Variants in GPHN observed in about 807,000 individuals in gnomAD.
The protein encoded by GPHN is gephyrin.
GPHN carries 17 observed loss-of-function variants against 95.5 expected under a neutral mutation model. That is an observed-to-expected ratio of 0.18 (90% confidence interval 0.12 to 0.27). The LOEUF (loss-of-function observed/expected upper bound fraction) is 0.27. Ranked by LOEUF, GPHN falls within the 10% of genes least tolerant of loss-of-function variation. GPHN has a pLI of 1.00. For missense variants in GPHN, 660 were observed against 978.1 expected (o/e 0.67, Z 4.34); for synonymous variants, 320 against 322.5 (o/e 0.99, Z 0.08).
chr14:67,091,455 G>A (rs570170028), intron 12 of GPHN, among the ~76,000 whole-genome samples: 1 of 151,330 alleles, frequency 6.6e-6, no homozygotes, highest in South Asian at 2.1e-4. Context: ...TAAATTCTGT[G>A]TTGATCTTAC....
intron 1 of GPHN, among the ~76,000 whole-genome samples, chr14:66,557,508 T>C (rs973533186): frequency 6.6e-6 from 1 of 152,212 alleles, no homozygotes; most frequent in Non-Finnish European, 1.5e-5. Context: ...TCTTCAGTTA[T>C]ATTGGCAGAA....
At chr14:66,871,129 G>C (rs112913492) in intron 4 of GPHN, among the ~76,000 whole-genome samples, 3 of 152,208 alleles carry the variant, frequency 2.0e-5, no homozygotes, top group African/African-American at 7.2e-5. Context: ...GAGCTTACAC[G>C]CTCTCTGAGG....
At chr14:67,687,412 G>C in the GPHN span, among the ~76,000 whole-genome samples, 1 of 140,338 alleles carries the variant, frequency 7.1e-6, no homozygotes, top group Non-Finnish European at 1.6e-5. Flanking sequence ...AACTGAGCCC[G>C]GACCTTTGTA....
At chr14:67,340,891 G>C in the GPHN span, among the ~76,000 whole-genome samples, 1 of 152,234 alleles carries the variant, frequency 6.6e-6, no homozygotes. Flanking sequence ...GGCCAGGCTG[G>C]TCTCCAGCTC....
At chr14:66,777,117 G>A (rs900839463) in intron 3 of GPHN, among the ~76,000 whole-genome samples, 15 of 150,138 alleles carry the variant, frequency 1.0e-4, no homozygotes, top group African/African-American at 2.2e-4. Context: ...TCAAATAGAC[G>A]CAATAAAAAA....
chr14:67,232,192 A>G, the GPHN span, among the ~76,000 whole-genome samples: 1 of 152,168 alleles, frequency 6.6e-6, no homozygotes, highest in Non-Finnish European at 1.5e-5. Flanking sequence ...GTCATAAAAC[A>G]GCCCATAGTT....
intron 5 of GPHN, among the ~76,000 whole-genome samples, chr14:66,888,919 G>A (rs932654237): frequency 3.3e-5 from 5 of 152,006 alleles, no homozygotes; most frequent in Admixed American, 6.5e-5. Context: ...AACCAAAAGC[G>A]AACCATGGTG....
intron 3 of GPHN, among the ~76,000 whole-genome samples, chr14:66,792,851 T>G (rs2060020894): frequency 6.6e-6 from 1 of 152,274 alleles, no homozygotes; most frequent in African/African-American, 2.4e-5. Flanking sequence ...AGCAAGCCAG[T>G]CATTAGCATT....
At chr14:67,014,683 C>T (rs1245658106) in intron 9 of GPHN, among the ~76,000 whole-genome samples, 1 of 152,064 alleles carries the variant, frequency 6.6e-6, no homozygotes, top group Non-Finnish European at 1.5e-5. Context: ...ACCTTCTAAC[C>T]TTTAGAATGA....
the GPHN span, chr14:67,663,231 C>T: frequency 1.7e-5 from 23 of 1,344,464 alleles, no homozygotes; most frequent in Non-Finnish European, 2.0e-5. Context: ...TCAAAACAAA[C>T]ATCTAACTAA....
At chr14:67,639,184 G>A in the GPHN span, among the ~76,000 whole-genome samples, 1 of 152,156 alleles carries the variant, frequency 6.6e-6, no homozygotes, top group Non-Finnish European at 1.5e-5. Context: ...TTTAGGCTTT[G>A]TGCAGCTTTT....
chr14:67,561,952 A>T, the GPHN span: 1 of 1,611,532 alleles, frequency 6.2e-7, no homozygotes, highest in Non-Finnish European at 8.5e-7. Flanking sequence ...CTTTTTGCTC[A>T]GCTTGAGATG....
the GPHN span, among the ~76,000 whole-genome samples, chr14:67,434,782 T>C: frequency 6.6e-6 from 1 of 152,134 alleles, no homozygotes; most frequent in Non-Finnish European, 1.5e-5. Context: ...GGGTAATTTA[T>C]AAAGAAAAGG....
rs1313262055 is a variant in GPHN, at chr14:66,508,202, TTCCGACACTC to T, written c.-321_-312del. On this transcript the variant is annotated 5_prime_UTR_variant, in exon 1 of 23. Coordinates refer to ENST00000478722, the MANE Select transcript of GPHN (RefSeq NM_020806.5). ...CTTGGGTCTCGCGCTCCGCAGAGCG[TTCCGACACTC>T]TCCGGCCTCGTTCTGCCGCCTCCGC... The T allele has an allele frequency of 3.1e-5, 16 of 510,328 alleles. No homozygotes were observed. The highest frequency in any genetic ancestry group is 4.3e-5 in the Non-Finnish European group (12 of 279,942). The allele number at this position is 510,328 out of a possible 1,614,324, so 31.6% of individuals were successfully genotyped here.
the GPHN span, chr14:67,208,531 A>T: frequency 7.1e-7 from 1 of 1,400,156 alleles, no homozygotes; most frequent in Non-Finnish European, 9.6e-7. Flanking sequence ...CTCTTAACTC[A>T]GGCATCTGCC....
In GPHN at chr14:67,150,658, A is replaced by G. The variant is rs117067994; in HGVS notation, c.1836+7209A>G. On this transcript the variant is annotated intron_variant, in intron 18 of 22. Transcript: ENST00000478722. The stretch of plus-strand genomic sequence containing the variant: ...TATACTTAAGATTGATGTAAATAAG[A>G]GAAAGAACATGGCTGAGGTTTTTTT... Among the ~76,000 whole-genome samples the G allele has an allele frequency of 1.2e-4, 19 of 152,190 alleles. No homozygotes were observed. The East Asian group carries it at 3.7e-3, about 29-fold the overall frequency.
chr14:67,541,767 C>T, the GPHN span: 2 of 1,137,290 alleles, frequency 1.8e-6, no homozygotes, highest in South Asian at 1.7e-5. Flanking sequence ...CCCTCCCGTT[C>T]TTTCCCCACA....
intron 9 of GPHN, among the ~76,000 whole-genome samples, chr14:66,991,684 C>G (rs1594752473): frequency 6.7e-6 from 1 of 149,022 alleles, no homozygotes; most frequent in Non-Finnish European, 1.5e-5. Flanking sequence ...TCACTTGAGA[C>G]CAAGGGAAAA....
rs193266722 is a variant in GPHN at position 66,758,297 on chromosome 14, C to G, written c.144-18167C>G. Among the ~76,000 whole-genome samples the G allele has an allele frequency of 1.0e-2, 1,515 of 152,242 alleles. 81 individuals are homozygous for G. Among genetic ancestry groups the G allele is most frequent in the Admixed American group, 0.091 (1,399 of 15,294 alleles). ...GTGGGATTTCACAGGGGACCCACCC[C>G]CTATCTGCCTAGGCATTTGGCTGCC... On this transcript the variant is annotated intron_variant, in intron 2 of 22. Coordinates refer to ENST00000478722, the MANE Select transcript of GPHN (RefSeq NM_020806.5).
Sources: gnomAD v4.1 joint callset for allele counts (sites outside exome capture counted in the v4.1 genomes callset) on GRCh38, gnomAD v4.1.1 for gene constraint, MANE v1.5 for transcripts, NCBI Gene and HGNC (gene_info 2026-07-23, HGNC 2026-07-21) for gene names.